Variants in FGD5 observed in about 807,000 individuals in gnomAD.
The protein encoded by FGD5 is FYVE, RhoGEF and PH domain-containing protein 5.
In FGD5, 28 loss-of-function variants were observed where a neutral mutation model predicts 133.4. That is an observed-to-expected ratio of 0.21 (90% confidence interval 0.16 to 0.29). The LOEUF (loss-of-function observed/expected upper bound fraction) is 0.29. Among genes scored for constraint, FGD5 ranks in the 10% least tolerant of loss-of-function variants. The pLI is 1.00. For synonymous variants in FGD5, 810 were observed against 776.5 expected, an observed-to-expected ratio of 1.04 and a Z score of -0.72; for missense variants, 1,858 against 1,895.2, an observed-to-expected ratio of 0.98 and a Z score of 0.36.
At chr3:14,900,041 T>C (rs2125134213) in intron 7 of FGD5, among the ~76,000 whole-genome samples, 1 of 151,696 alleles carries the variant, frequency 6.6e-6, no homozygotes, top group Admixed American at 6.6e-5. Flanking sequence ...GCCTGGAGAG[T>C]ATGAATGCAC....
At chr3:14,839,998 A>G (rs1474687976) in intron 1 of FGD5, among the ~76,000 whole-genome samples, 2 of 152,094 alleles carry the variant, frequency 1.3e-5, no homozygotes, top group African/African-American at 4.8e-5. Context: ...GCACTCCCAA[A>G]ATTCAGATCT....
At position 14,820,776 on chromosome 3, in the gene FGD5, T is replaced by G. The variant is rs760967350; in HGVS notation, c.1705T>G (p.Ser569Ala). The change falls in exon 1 of 20, where the codon TCA becomes GCA. Residue 569 changes from serine to alanine, a missense_variant. Ser to Ala is a moderately conservative substitution (Grantham distance 99). Coordinates refer to ENST00000285046, the MANE Select transcript of FGD5 (RefSeq NM_152536.4). ...PVSVYQEPEG[S>A]GLDDHRIKRK... Reference sequence around the variant, plus strand: ...GTCCGTGTACCAGGAGCCTGAGGGGTCAGGGTTGGATGACCACAGGATAAA... The same window carrying G: ...GTCCGTGTACCAGGAGCCTGAGGGGGCAGGGTTGGATGACCACAGGATAAA... 4 of 1,612,746 alleles carry G rather than the reference T, an allele frequency of 2.5e-6. No homozygotes were observed. Among genetic ancestry groups the G allele is most frequent in the Non-Finnish European group, 3.4e-6 (4 of 1,179,524 alleles).
Position 14,820,199 on chromosome 3 carries a change from G to A in FGD5, c.1128G>A (p.Gln376=), listed in dbSNP as rs781123225. The change falls in exon 1 of 20, where the codon CAG becomes CAA. Residue 376 remains glutamine, a synonymous_variant. Coordinates refer to ENST00000285046, the MANE Select transcript of FGD5 (RefSeq NM_152536.4). ...CAGCGAAAGGTTTAGAATCAGAGCA[G>A]GCACCAAAGCTGGGGCTGCGTGCGG... ...SESAKGLESE[Q]APKLGLRAEE... 1.9e-6 allele frequency: 3 copies of A among 1,612,616 alleles called. No homozygotes were observed. Among genetic ancestry groups the A allele is most frequent in the Non-Finnish European group, 2.5e-6 (3 of 1,178,978 alleles).
intron 17 of FGD5, 22 bp from the exon 18 acceptor site, chr3:14,926,048 C>A (rs771207872): frequency 3.1e-6 from 5 of 1,612,242 alleles, no homozygotes; most frequent in East Asian, 4.5e-5. Flanking sequence ...GTGGGCTGAC[C>A]GCTCTGCTTC....
At chr3:14,879,964 G>A (rs1342084334) in intron 2 of FGD5, among the ~76,000 whole-genome samples, 3 of 152,196 alleles carry the variant, frequency 2.0e-5, no homozygotes, top group Non-Finnish European at 4.4e-5. Flanking sequence ...TAAAGGTCAT[G>A]CCATCATCAT....
At chr3:14,925,331 C>T (rs1048429380) in intron 17 of FGD5, among the ~76,000 whole-genome samples, 6 of 152,120 alleles carry the variant, frequency 3.9e-5, no homozygotes, top group African/African-American at 1.4e-4. Context: ...ACATATTATA[C>T]AGAATCTCTT....
At chr3:14,839,547 T>C (rs1056050233) in intron 1 of FGD5, among the ~76,000 whole-genome samples, 1 of 152,132 alleles carries the variant, frequency 6.6e-6, no homozygotes, top group Non-Finnish European at 1.5e-5. Context: ...GTCTCAACAA[T>C]GCGGAGCTCT....
At chr3:14,929,618 A>C (rs2038869356) in intron 18 of FGD5, among the ~76,000 whole-genome samples, 2 of 152,182 alleles carry the variant, frequency 1.3e-5, no homozygotes, top group Admixed American at 1.3e-4. Context: ...TAAGCACATG[A>C]TTGCTTTCAT....
intron 11 of FGD5, among the ~76,000 whole-genome samples, chr3:14,912,330 C>G (rs892340932): frequency 1.4e-4 from 22 of 152,190 alleles, no homozygotes; most frequent in African/African-American, 5.1e-4. Context: ...TTCCCTCCCT[C>G]CTAAGAGCTA....
At chr3:14,852,154 A>G (rs562398596) in intron 1 of FGD5, among the ~76,000 whole-genome samples, 4 of 152,378 alleles carry the variant, frequency 2.6e-5, no homozygotes, top group African/African-American at 9.6e-5. Flanking sequence ...ACAGATATTC[A>G]CAGCAGCATT....
chr3:14,831,298 C>T (rs1443500109), intron 1 of FGD5, among the ~76,000 whole-genome samples: 1 of 152,176 alleles, frequency 6.6e-6, no homozygotes, highest in African/African-American at 2.4e-5. Flanking sequence ...TCCAAAGATA[C>T]TTGAATTATC....
At chr3:14,858,355 G>GTGGGTGGGTGGGTGGA (rs57012067) in intron 1 of FGD5, among the ~76,000 whole-genome samples, 1 of 130,888 alleles carries the variant, frequency 7.6e-6, no homozygotes, top group African/African-American at 2.9e-5. Context: ...GGGTGGGTGG[G>GTGGGTGGGTGGGTGGA]TGGATGGATG....
Position 14,932,548 on chromosome 3 carries a change from A to G in FGD5, c.4198-29A>G, listed in dbSNP as rs750746161. 5.6e-6 allele frequency: 9 copies of G among 1,602,556 alleles called. No individual in the cohort carries two copies. The Admixed American group carries it at 1.2e-4, about 22-fold the overall frequency. ...ATGACTATGCAGAGTGTGGTGTTTAATGTCAATTTTTCCTTCTGTCCTCTG... is the reference window on the plus strand; with the variant it reads ...ATGACTATGCAGAGTGTGGTGTTTAGTGTCAATTTTTCCTTCTGTCCTCTG... On this transcript the variant is annotated intron_variant, in intron 18 of 19. Coordinates refer to ENST00000285046, the MANE Select transcript of FGD5 (RefSeq NM_152536.4).
At chr3:14,893,496 G>A (rs1453060092) in intron 4 of FGD5, among the ~76,000 whole-genome samples, 1 of 151,986 alleles carries the variant, frequency 6.6e-6, no homozygotes, top group Non-Finnish European at 1.5e-5. Context: ...ACAGTGATGC[G>A]CCAACAAGCC....
At chr3:14,864,603 T>C (rs1019957479) in intron 2 of FGD5, among the ~76,000 whole-genome samples, 6 of 152,240 alleles carry the variant, frequency 3.9e-5, no homozygotes, top group Non-Finnish European at 7.3e-5. Context: ...GGCCTCAGTT[T>C]CCTCATCTGT....
chr3:14,853,636 CTTTTTTTTTTTTTTTTTT>C (rs34008934), intron 1 of FGD5, among the ~76,000 whole-genome samples: 3 of 37,128 alleles, frequency 8.1e-5, no homozygotes, highest in East Asian at 1.3e-3. Flanking sequence ...AAAAGCGTTC[CTTTTTTTTTTTTTTTTTT>C]TTTTTTTTTT....
At chr3:14,928,988 A>T (rs1217705628) in intron 18 of FGD5, among the ~76,000 whole-genome samples, 1 of 152,034 alleles carries the variant, frequency 6.6e-6, no homozygotes, top group Non-Finnish European at 1.5e-5. Context: ...CTATTTGGTG[A>T]GTTTTGATTA....
chr3:14,830,597 G>C (rs2036688441), intron 1 of FGD5, among the ~76,000 whole-genome samples: 1 of 152,210 alleles, frequency 6.6e-6, no homozygotes. Context: ...ATAGAAGAGA[G>C]TCTTATTGTT....
intron 1 of FGD5, among the ~76,000 whole-genome samples, chr3:14,834,504 C>G (rs544039571): frequency 1.3e-5 from 2 of 152,310 alleles, no homozygotes; most frequent in African/African-American, 4.8e-5. Flanking sequence ...CTGTCTGTAT[C>G]CATGAGATTC....
Sources: gnomAD v4.1 joint callset for allele counts (sites outside exome capture counted in the v4.1 genomes callset) on GRCh38, gnomAD v4.1.1 for gene constraint, MANE v1.5 for transcripts, NCBI Gene and HGNC (gene_info 2026-07-23, HGNC 2026-07-21) for gene names.